The following NEBL variants were observed in gnomAD, a reference collection of about 807,000 sequenced individuals.
The protein encoded by NEBL is nebulette.
A neutral mutation model predicts 140.2 loss-of-function variants in NEBL; 122 were observed. That is an observed-to-expected ratio of 0.87 (90% confidence interval 0.75 to 1.01). The LOEUF (loss-of-function observed/expected upper bound fraction) is 1.01. Ranked by LOEUF, NEBL falls within the 50% of genes least tolerant of loss-of-function variation. NEBL has a pLI of 0.00. For synonymous variants in NEBL, 436 were observed against 398.9 expected, an observed-to-expected ratio of 1.09 and a Z score of -1.11; for missense variants, 1,365 against 1,231.3, an observed-to-expected ratio of 1.11 and a Z score of -1.62.
In NEBL at chr10:20,855,828, A is replaced by C. The variant is rs76552001; in HGVS notation, c.903+2412T>G. Among the ~76,000 whole-genome samples the C allele has an allele frequency of 2.4e-3, 363 of 152,340 alleles. 11 individuals are homozygous for C. The East Asian group carries it at 0.053, about 22-fold the overall frequency. On this transcript the variant is annotated intron_variant, in intron 9 of 27. Transcript: ENST00000377122. ...AAGTAACTCTGATGTTGCTAAAGAC[A>C]TCTAGGGGTCTTTAAAACAATAGCT...
intron 20 of NEBL, 43 bp downstream of exon 20, chr10:20,819,381 T>C (rs1839049596): frequency 2.5e-6 from 4 of 1,613,392 alleles, no homozygotes; most frequent in Non-Finnish European, 2.5e-6. Flanking sequence ...AATAAAAATA[T>C]GTTATGTTTG....
chr10:21,008,124 T>C (rs1838206275), intron 3 of NEBL, among the ~76,000 whole-genome samples: 1 of 152,224 alleles, frequency 6.6e-6, no homozygotes. Flanking sequence ...TATATTATTA[T>C]ATACGTGTGT....
chr10:21,192,345 C>A (rs1381681717), intron 3 of NEBL, among the ~76,000 whole-genome samples: 1 of 151,670 alleles, frequency 6.6e-6, no homozygotes, highest in African/African-American at 2.4e-5. Context: ...GCACCCACCA[C>A]CACGCCTGGC....
intron 4 of NEBL, among the ~76,000 whole-genome samples, chr10:20,881,835 A>C (rs1846034639): frequency 1.3e-5 from 2 of 152,244 alleles, no homozygotes; most frequent in Non-Finnish European, 2.9e-5. Context: ...GGCAATATTA[A>C]TTTTAAAATA....
intron 11 of NEBL, among the ~76,000 whole-genome samples, chr10:20,849,751 C>T (rs1159024169): frequency 6.6e-6 from 1 of 152,132 alleles, no homozygotes; most frequent in Non-Finnish European, 1.5e-5. Context: ...TATAGCAACA[C>T]AAAATGGACT....
At chr10:21,060,529 T>C (rs973881558) in intron 2 of NEBL, among the ~76,000 whole-genome samples, 3 of 152,116 alleles carry the variant, frequency 2.0e-5, no homozygotes, top group Non-Finnish European at 2.9e-5. Flanking sequence ...CTACAAACTG[T>C]CTCCTTTTCC....
At chr10:20,858,136 G>A (rs1239885478) in intron 9 of NEBL, 104 bp downstream of exon 9, 3 of 858,424 alleles carry the variant, frequency 3.5e-6, no homozygotes, top group African/African-American at 3.3e-5. Context: ...GGAGGAGTGA[G>A]GCACAGGCCT....
chr10:21,113,927 T>A (rs1443350906), intron 2 of NEBL, among the ~76,000 whole-genome samples: 1 of 152,018 alleles, frequency 6.6e-6, no homozygotes, highest in Non-Finnish European at 1.5e-5. Flanking sequence ...TCCTATAGTT[T>A]ATTATTTCCT....
intron 3 of NEBL, among the ~76,000 whole-genome samples, chr10:20,974,446 G>GT (rs1836709301): frequency 6.6e-6 from 1 of 151,760 alleles, no homozygotes; most frequent in Non-Finnish European, 1.5e-5. Flanking sequence ...TAAAGATGGG[G>GT]TTTTGCCATG....
chr10:21,148,821 C>T (rs534291132), intron 2 of NEBL, among the ~76,000 whole-genome samples: 4 of 152,240 alleles, frequency 2.6e-5, no homozygotes, highest in East Asian at 3.9e-4. Context: ...CCACCACGCC[C>T]GGCCCCTGTC....
intron 3 of NEBL, among the ~76,000 whole-genome samples, chr10:21,233,896 AC>A (rs1386244035): frequency 3.7e-4 from 50 of 135,914 alleles, no homozygotes; most frequent in African/African-American, 1.2e-3. Context: ...GATATATATT[AC>A]ATATATATGC....
At chr10:20,841,723 G>A (rs1036610745) in intron 12 of NEBL, among the ~76,000 whole-genome samples, 3 of 152,058 alleles carry the variant, frequency 2.0e-5, no homozygotes, top group African/African-American at 7.2e-5. Flanking sequence ...ATCACTCATG[G>A]AATAGAAAAT....
At chr10:21,019,407 T>C (rs1838690033) in intron 3 of NEBL, among the ~76,000 whole-genome samples, 1 of 152,244 alleles carries the variant, frequency 6.6e-6, no homozygotes, top group African/African-American at 2.4e-5. Flanking sequence ...CCGTCCTTAC[T>C]TCACCACTGA....
At chr10:20,875,198 C>T (rs1232122815) in intron 5 of NEBL, among the ~76,000 whole-genome samples, 2 of 152,124 alleles carry the variant, frequency 1.3e-5, no homozygotes, top group African/African-American at 4.8e-5. Context: ...TCAGCTTGTT[C>T]TCTCCTTATA....
At chr10:21,032,077 T>C (rs1387404471) in intron 2 of NEBL, among the ~76,000 whole-genome samples, 1 of 152,150 alleles carries the variant, frequency 6.6e-6, no homozygotes, top group Admixed American at 6.5e-5. Flanking sequence ...ATAATCCAAA[T>C]TGGGTTATAA....
intron 2 of NEBL, among the ~76,000 whole-genome samples, chr10:21,154,698 C>T (rs1484296270): frequency 6.6e-6 from 1 of 152,314 alleles, no homozygotes; most frequent in Non-Finnish European, 1.5e-5. Context: ...TAAATCTTCA[C>T]AGCCTGGAAT....
intron 3 of NEBL, among the ~76,000 whole-genome samples, chr10:21,246,559 G>T (rs1269860193): frequency 6.6e-6 from 1 of 152,130 alleles, no homozygotes; most frequent in Non-Finnish European, 1.5e-5. Flanking sequence ...AGTGCAAGAG[G>T]ATCACTTGAG....
intron 3 of NEBL, among the ~76,000 whole-genome samples, chr10:21,233,785 AT>A (rs1191623983): frequency 9.0e-4 from 129 of 143,798 alleles, no homozygotes; most frequent in South Asian, 1.7e-3. Flanking sequence ...ATGCATATAT[AT>A]GCATATATAT....
At chr10:20,794,470 C>T (rs1038477492) in intron 26 of NEBL, among the ~76,000 whole-genome samples, 8 of 152,106 alleles carry the variant, frequency 5.3e-5, no homozygotes, top group South Asian at 2.1e-4. Context: ...AAACAATTAT[C>T]GCCATTATTA....
Sources: gnomAD v4.1 joint callset for allele counts (sites outside exome capture counted in the v4.1 genomes callset) on GRCh38, gnomAD v4.1.1 for gene constraint, MANE v1.5 for transcripts, NCBI Gene and HGNC (gene_info 2026-07-23, HGNC 2026-07-21) for gene names.